The following WDR70 variants were observed in gnomAD, a reference collection of about 807,000 sequenced individuals.
The protein encoded by WDR70 is WD repeat-containing protein 70.
A neutral mutation model predicts 88.6 loss-of-function variants in WDR70; 53 were observed. The ratio of observed to expected loss-of-function variants is 0.60; its 90% CI spans 0.48 to 0.75. The LOEUF (loss-of-function observed/expected upper bound fraction) is 0.75. Ranked by LOEUF, WDR70 falls within the 30% of genes least tolerant of loss-of-function variation. The probability of loss-of-function intolerance (pLI) is 0.00; values close to 1 mark genes in which losing one functional copy is unlikely to be tolerated. For missense variants in WDR70, 610 were observed against 823.2 expected (o/e 0.74, Z 3.17); for synonymous variants, 280 against 270.0 (o/e 1.04, Z -0.36).
intron 9 of WDR70, among the ~76,000 whole-genome samples, chr5:37,526,520 A>G (rs1741279097): frequency 1.3e-5 from 2 of 152,228 alleles, no homozygotes; most frequent in African/African-American, 4.8e-5. Flanking sequence ...AGCCACAGCC[A>G]ATATCATACT....
rs70978826 is a variant in WDR70 at position 37,514,339 on chromosome 5, CATATATAT to C, written c.841-2162_841-2155del. Among the ~76,000 whole-genome samples, 19 of 28,728 alleles carry C rather than the reference CATATATAT, an allele frequency of 6.6e-4. 1 individual carries two copies. The highest frequency in any genetic ancestry group is 9.6e-4 in the Non-Finnish European group (7 of 7,278). 18.8% of individuals were successfully genotyped at this position (28,728 alleles called of 152,430 possible). Reference sequence around the variant, plus strand: ...CGACATTATGGCATATTTAGAACTACATATATATATATATATATATGTATGTATGTATG... The same window carrying C: ...CGACATTATGGCATATTTAGAACTACATATATATATATGTATGTATGTATG... On this transcript the variant is annotated intron_variant, in intron 8 of 17. Transcript: ENST00000265107.
At chr5:37,625,506 A>G (rs889506369) in intron 10 of WDR70, among the ~76,000 whole-genome samples, 6 of 151,638 alleles carry the variant, frequency 4.0e-5, no homozygotes, top group African/African-American at 1.5e-4. Context: ...TCATTTGCCC[A>G]TATTTTTTGT....
intron 10 of WDR70, among the ~76,000 whole-genome samples, chr5:37,682,802 A>T: frequency 6.6e-6 from 1 of 152,146 alleles, no homozygotes; most frequent in African/African-American, 2.4e-5. Context: ...TTATGATTTC[A>T]GTTATTTTGC....
rs553585193 is a variant in WDR70, at chr5:37,416,381, C to T, written c.492+19811C>T. Among the ~76,000 whole-genome samples, 431 of 152,194 alleles carry T rather than the reference C, an allele frequency of 2.8e-3. 2 individuals carry two copies. Among genetic ancestry groups the T allele is most frequent in the African/African-American group, 0.01 (417 of 41,540 alleles). On this transcript the variant is annotated intron_variant, in intron 5 of 17. Transcript: ENST00000265107. ...CGAAAACCAGTCAGGCGTGGCGGCG[C>T]GCCTGCAATTGCAGGCACTGGGTAG...
At chr5:37,711,980 A>ATT (rs1286317228) in intron 13 of WDR70, among the ~76,000 whole-genome samples, 2 of 122,714 alleles carry the variant, frequency 1.6e-5, no homozygotes, top group African/African-American at 3.1e-5. Flanking sequence ...CAGTGCATAT[A>ATT]TTTTTTCTTT....
intron 8 of WDR70, among the ~76,000 whole-genome samples, chr5:37,486,161 C>T (rs1378741490): frequency 6.6e-6 from 1 of 151,970 alleles, no homozygotes; most frequent in East Asian, 1.9e-4. Context: ...TGAGAATCTG[C>T]TGTAATCTTT....
intron 5 of WDR70, among the ~76,000 whole-genome samples, chr5:37,418,049 T>C (rs1474579743): frequency 6.6e-6 from 1 of 152,296 alleles, no homozygotes; most frequent in Non-Finnish European, 1.5e-5. Context: ...TAGTTCCTGA[T>C]TGGAAAAGAG....
chr5:37,695,695 T>G (rs1746960641), intron 10 of WDR70, among the ~76,000 whole-genome samples: 1 of 152,212 alleles, frequency 6.6e-6, no homozygotes, highest in African/African-American at 2.4e-5. Context: ...GTGACTTTCT[T>G]GTCGGCACTG....
chr5:37,677,392 C>G (rs1043965547), intron 10 of WDR70, among the ~76,000 whole-genome samples: 126 of 152,266 alleles, frequency 8.3e-4, no homozygotes, highest in African/African-American at 2.6e-3. Flanking sequence ...ATTTCCCTCT[C>G]CATACTGCTT....
At chr5:37,605,011 C>G (rs574717728) in intron 9 of WDR70, 53 bp from the exon 10 acceptor site, 2 of 1,448,550 alleles carry the variant, frequency 1.4e-6, no homozygotes, top group South Asian at 3.1e-5. Context: ...TTTAACCTCC[C>G]CCCTCCTTCT....
rs1212142509 is a variant in WDR70, at chr5:37,499,119, T to TA, written c.841-17395_841-17394insA. Among the ~76,000 whole-genome samples, 9 of 145,244 alleles carry TA rather than the reference T, an allele frequency of 6.2e-5. No homozygotes were observed. In the East Asian group the frequency reaches 1.8e-3, roughly 29 times the overall value. On this transcript the variant is annotated intron_variant, in intron 8 of 17. Transcript: ENST00000265107. ...GAGCATCTTTTCATGTTTGTCATTC[T>TA]TTTTTTTTTTTTGAGATGAAGTCTT... is the stretch of plus-strand genomic sequence containing the variant.
chr5:37,566,486 T>G (rs1402138326), intron 9 of WDR70, among the ~76,000 whole-genome samples: 1 of 152,148 alleles, frequency 6.6e-6, no homozygotes, highest in Admixed American at 6.5e-5. Flanking sequence ...GTATTTTTTC[T>G]TTGCTTAGAA....
intron 13 of WDR70, among the ~76,000 whole-genome samples, chr5:37,704,325 C>T (rs13166806): frequency 3.5e-4 from 54 of 152,202 alleles, no homozygotes; most frequent in Non-Finnish European, 7.1e-4. Context: ...CTGTGTTCTA[C>T]TATGCCTCTA....
chr5:37,643,340 T>C (rs1024230667), intron 10 of WDR70, among the ~76,000 whole-genome samples: 8 of 152,104 alleles, frequency 5.3e-5, no homozygotes. Context: ...TTCATTGGTC[T>C]ATGTGTCTAT....
chr5:37,450,232 G>GT (rs1445217520), intron 7 of WDR70, among the ~76,000 whole-genome samples: 1 of 152,124 alleles, frequency 6.6e-6, no homozygotes, highest in African/African-American at 2.4e-5. Flanking sequence ...CTTTATAGTA[G>GT]AATGATTTAT....
At chr5:37,709,727 A>G (rs10461984) in intron 13 of WDR70, among the ~76,000 whole-genome samples, 61,917 of 150,506 alleles carry the variant, frequency 0.41, 14,242 homozygotes, top group East Asian at 0.54. Flanking sequence ...CAGTACTGCT[A>G]TCTCTAGGAG....
At chr5:37,582,177 G>C (rs1279053366) in intron 9 of WDR70, among the ~76,000 whole-genome samples, 2 of 152,092 alleles carry the variant, frequency 1.3e-5, no homozygotes, top group Non-Finnish European at 2.9e-5. Flanking sequence ...TTTAGAATGG[G>C]TCATTTTTAC....
intron 10 of WDR70, among the ~76,000 whole-genome samples, chr5:37,673,856 G>C (rs1212711616): frequency 4.6e-5 from 7 of 152,026 alleles, no homozygotes; most frequent in Admixed American, 4.6e-4. Flanking sequence ...CCACTTGTGA[G>C]AACATGCAGT....
intron 11 of WDR70, among the ~76,000 whole-genome samples, chr5:37,698,453 A>G (rs1747046008): frequency 6.6e-6 from 1 of 151,416 alleles, no homozygotes; most frequent in Admixed American, 6.7e-5. Flanking sequence ...GTTTGGAGCC[A>G]TGTTACAGAG....
Sources: allele counts gnomAD v4.1 joint callset (sites outside exome capture counted in the v4.1 genomes callset), GRCh38; gene constraint gnomAD v4.1.1; transcripts MANE v1.5; gene names NCBI Gene and HGNC (gene_info 2026-07-23, HGNC 2026-07-21).